The following ACOXL variants were observed in gnomAD, a reference collection of about 807,000 sequenced individuals.
ACOXL encodes the protein acyl-coenzyme A oxidase-like protein.
Under a neutral mutation model 71.9 loss-of-function variants are expected in ACOXL, and 70 were observed. That is an observed-to-expected ratio of 0.97 (90% CI 0.80 to 1.19). The LOEUF (loss-of-function observed/expected upper bound fraction) is 1.19. Ranked by LOEUF, ACOXL falls within the 50% of genes most tolerant of loss-of-function variation. The pLI is 0.00. For missense variants in ACOXL, 703 were observed against 736.3 expected, an observed-to-expected ratio of 0.95 and a Z score of 0.52; for synonymous variants, 253 against 281.6, an observed-to-expected ratio of 0.90 and a Z score of 1.02.
At chr2:111,001,099 GT>G (rs1452676936) in intron 14 of ACOXL, among the ~76,000 whole-genome samples, 1 of 152,212 alleles carries the variant, frequency 6.6e-6, no homozygotes, top group African/African-American at 2.4e-5. Flanking sequence ...GGCCTTCTGA[GT>G]TTACAAGTAT....
At chr2:110,933,081 C>T (rs1053920245) in intron 11 of ACOXL, among the ~76,000 whole-genome samples, 3 of 152,080 alleles carry the variant, frequency 2.0e-5, no homozygotes, top group African/African-American at 7.2e-5. Flanking sequence ...GAGTGGGTTT[C>T]TTGTATAAAG....
At chr2:111,007,189 T>C (rs1398137426) in intron 14 of ACOXL, among the ~76,000 whole-genome samples, 1 of 152,202 alleles carries the variant, frequency 6.6e-6, no homozygotes, top group African/African-American at 2.4e-5. Flanking sequence ...AGAAAGCTAA[T>C]GGTTTCTTCA....
chr2:111,068,275 C>T (rs772438523), intron 16 of ACOXL, among the ~76,000 whole-genome samples: 3 of 152,280 alleles, frequency 2.0e-5, no homozygotes, highest in Non-Finnish European at 2.9e-5. Context: ...TGCTGGAGCT[C>T]CCCACATGGT....
intron 1 of ACOXL, among the ~76,000 whole-genome samples, chr2:110,750,318 A>C (rs1245086894): frequency 1.3e-5 from 2 of 152,082 alleles, no homozygotes; most frequent in Admixed American, 6.6e-5. Flanking sequence ...TGTTTATTTT[A>C]TATTTTGGGT....
At chr2:110,973,846 C>T (rs2062325641) in intron 12 of ACOXL, among the ~76,000 whole-genome samples, 1 of 152,208 alleles carries the variant, frequency 6.6e-6, no homozygotes, top group African/African-American at 2.4e-5. Context: ...GCTCCAGAAA[C>T]CTTCTCTGGG....
intron 10 of ACOXL, among the ~76,000 whole-genome samples, chr2:110,854,561 T>C (rs1362328548): frequency 6.6e-6 from 1 of 152,186 alleles, no homozygotes. Flanking sequence ...AAGTGCTGTT[T>C]GGAGAGTGTC....
chr2:110,755,451 C>T (rs56019085), intron 1 of ACOXL, among the ~76,000 whole-genome samples: 2,152 of 152,198 alleles, frequency 0.014, 59 homozygotes, highest in African/African-American at 0.046. Context: ...TTAAATGTGG[C>T]GGTTTATATT....
intron 2 of ACOXL, among the ~76,000 whole-genome samples, chr2:110,775,523 A>T (rs911228624): frequency 6.6e-6 from 1 of 152,206 alleles, no homozygotes; most frequent in Non-Finnish European, 1.5e-5. Context: ...CCCAGAATAG[A>T]TAAAAACTCC....
intron 11 of ACOXL, among the ~76,000 whole-genome samples, chr2:110,932,931 CTT>C (rs1233756508): frequency 3.3e-5 from 5 of 152,328 alleles, no homozygotes; most frequent in African/African-American, 1.2e-4. Context: ...CCCATGAAGA[CTT>C]TGGTAGACTT....
chr2:110,799,225 G>C, intron 7 of ACOXL, 125 bp downstream of exon 7: 1 of 875,256 alleles, frequency 1.1e-6, no homozygotes. Flanking sequence ...CCCCAGAGAA[G>C]ATGTCCAGAT....
At chr2:111,111,225 G>A (rs533975127) in intron 17 of ACOXL, among the ~76,000 whole-genome samples, 5 of 151,558 alleles carry the variant, frequency 3.3e-5, no homozygotes, top group Admixed American at 2.6e-4. Context: ...TCAGCCTCCC[G>A]CATAGCTAGG....
At chr2:110,805,518 G>T (rs1281479645) in intron 9 of ACOXL, 123 bp downstream of exon 9, 30 of 1,370,606 alleles carry the variant, frequency 2.2e-5, no homozygotes, top group Middle Eastern at 2.3e-4. Context: ...CAGGGTTCCC[G>T]GTTAGATGCT....
At chr2:111,050,860 C>T (rs1017282888) in intron 16 of ACOXL, among the ~76,000 whole-genome samples, 2 of 152,146 alleles carry the variant, frequency 1.3e-5, no homozygotes, top group African/African-American at 2.4e-5. Flanking sequence ...AGAGATGTAA[C>T]CAAAGGCCCC....
chr2:111,074,551 G>T (rs560015937), intron 16 of ACOXL, among the ~76,000 whole-genome samples: 26 of 150,356 alleles, frequency 1.7e-4, no homozygotes, highest in African/African-American at 2.7e-4. Context: ...TATGATTATG[G>T]TTTTTTTTTC....
intron 11 of ACOXL, among the ~76,000 whole-genome samples, chr2:110,927,450 C>T (rs1023828186): frequency 2.6e-5 from 4 of 152,192 alleles, no homozygotes; most frequent in African/African-American, 7.2e-5. Flanking sequence ...GCCTCCACAC[C>T]TGTCCTGTGC....
In ACOXL at chr2:110,739,767, A is replaced by G. The variant is rs986799515; in HGVS notation, c.-23+6993A>G. Among the ~76,000 whole-genome samples the G allele has an allele frequency of 3.9e-5, 6 of 152,314 alleles. No homozygotes were observed. In the South Asian group the frequency reaches 1.0e-3, roughly 26 times the overall value. On this transcript the variant is annotated intron_variant, in intron 1 of 17. Coordinates refer to ENST00000439055, the MANE Select transcript of ACOXL (RefSeq NM_001142807.4). ...TTTATACAACCCAGTGGCACCAGCT[A>G]GTTGGCTCCGTCAGCCCTGTAGACT...
At chr2:110,931,625 G>A (rs1269248103) in intron 11 of ACOXL, among the ~76,000 whole-genome samples, 1 of 152,122 alleles carries the variant, frequency 6.6e-6, no homozygotes, top group African/African-American at 2.4e-5. Context: ...CTTGACTGAG[G>A]TATGTTTACT....
At chr2:110,780,501 G>A (rs1276163165) in intron 2 of ACOXL, among the ~76,000 whole-genome samples, 1 of 152,152 alleles carries the variant, frequency 6.6e-6, no homozygotes, top group African/African-American at 2.4e-5. Context: ...AAATGTTTAT[G>A]TCAACTTTGT....
chr2:110,861,127 C>T (rs1332031973), intron 10 of ACOXL, among the ~76,000 whole-genome samples: 1 of 152,160 alleles, frequency 6.6e-6, no homozygotes, highest in African/African-American at 2.4e-5. Flanking sequence ...GAGTGAGACC[C>T]TATCTCAACA....
Sources: allele counts gnomAD v4.1 joint callset (sites outside exome capture counted in the v4.1 genomes callset), GRCh38; gene constraint gnomAD v4.1.1; transcripts MANE v1.5; gene names NCBI Gene and HGNC (gene_info 2026-07-23, HGNC 2026-07-21).